Variants in SCNN1B observed in about 807,000 individuals in gnomAD.
SCNN1B encodes the protein epithelial sodium channel subunit beta.
SCNN1B carries 46 observed loss-of-function variants against 65.3 expected under a neutral mutation model. The ratio of observed to expected loss-of-function variants is 0.70; its 90% CI spans 0.56 to 0.90. SCNN1B has a LOEUF of 0.90. Ranked by LOEUF, SCNN1B falls within the 40% of genes least tolerant of loss-of-function variation. The pLI is 0.00. For synonymous variants in SCNN1B, 349 were observed against 330.6 expected (o/e 1.06, Z -0.60); for missense variants, 751 against 830.5 (o/e 0.90, Z 1.18).
intron 4 of SCNN1B, among the ~76,000 whole-genome samples, chr16:23,360,829 C>G (rs1198489182): frequency 2.0e-5 from 3 of 151,816 alleles, no homozygotes; most frequent in Non-Finnish European, 4.4e-5. Context: ...GAGTCTCACT[C>G]TGTCGCCCAG....
chr16:23,339,280 G>A (rs556018705), intron 1 of SCNN1B, among the ~76,000 whole-genome samples: 4 of 152,172 alleles, frequency 2.6e-5, no homozygotes, highest in South Asian at 2.1e-4. Flanking sequence ...GTTGGTGGAC[G>A]TGTGGATTGC....
intron 1 of SCNN1B, among the ~76,000 whole-genome samples, chr16:23,318,266 A>G (rs1253587031): frequency 6.6e-6 from 1 of 152,180 alleles, no homozygotes; most frequent in Non-Finnish European, 1.5e-5. Flanking sequence ...ATTTGGGCAA[A>G]TCACCTGACC....
At position 23,353,036 on chromosome 16, in the gene SCNN1B, A is replaced by T. The variant is rs759357676; in HGVS notation, c.547A>T (p.Ile183Phe). The part of the protein sequence containing the change: ...GLTSSSASEK[I>F]CNAHGCKMAM... Reference sequence around the variant, plus strand: ...AACAAGCAGCTCAGCATCAGAAAAGATCTGTAATGCCCACGGGTGCAAAAT... The same window carrying T: ...AACAAGCAGCTCAGCATCAGAAAAGTTCTGTAATGCCCACGGGTGCAAAAT... Residue 183 changes from isoleucine (I) to phenylalanine (F), a missense_variant, in exon 3 of 13, where the codon ATC becomes TTC. Physicochemically the swap from Ile to Phe is conservative, Grantham distance 21. Coordinates refer to ENST00000343070, the MANE Select transcript of SCNN1B (RefSeq NM_000336.3). 1.2e-6 allele frequency: 2 copies of T among 1,614,156 alleles called. No homozygotes were observed. The highest frequency in any genetic ancestry group is 2.7e-5 in the African/African-American group (2 of 75,028).
chr16:23,305,891 A>C (rs1961207273), intron 1 of SCNN1B, among the ~76,000 whole-genome samples: 1 of 151,936 alleles, frequency 6.6e-6, no homozygotes, highest in Non-Finnish European at 1.5e-5. Flanking sequence ...GCTAATATAA[A>C]AGGTAACACC....
chr16:23,357,388 G>C (rs1334178334), intron 4 of SCNN1B, among the ~76,000 whole-genome samples: 1 of 152,238 alleles, frequency 6.6e-6, no homozygotes, highest in Non-Finnish European at 1.5e-5. Flanking sequence ...TTCGAGACTA[G>C]CCTGGCCAAC....
rs776272830 is a variant in SCNN1B at position 23,352,775 on chromosome 16, C to T, written c.312-26C>T. ...TGCTTTACAGATATGCATTCCTTCC[C>T]CCTAACCAGCCCTCTCCCCATCCAG... is the stretch of plus-strand genomic sequence containing the variant. On this transcript the variant is annotated intron_variant, in intron 2 of 12. Coordinates refer to ENST00000343070, the MANE Select transcript of SCNN1B (RefSeq NM_000336.3). 3.7e-6 allele frequency: 6 copies of T among 1,613,758 alleles called. No homozygotes were observed. In the African/African-American group the frequency reaches 8.0e-5, roughly 22 times the overall value.
chr16:23,343,619 GAAA>G (rs1962118227), intron 1 of SCNN1B, among the ~76,000 whole-genome samples: 1 of 111,972 alleles, frequency 8.9e-6, no homozygotes, highest in Non-Finnish European at 1.8e-5. Context: ...AAGAAAGAAA[GAAA>G]GAAAGAAAGA....
intron 2 of SCNN1B, among the ~76,000 whole-genome samples, chr16:23,349,136 CCT>C: frequency 6.6e-6 from 1 of 151,454 alleles, no homozygotes; most frequent in Admixed American, 6.6e-5. Context: ...TCTTTCTCCT[CCT>C]CTCTGTCTTT....
At chr16:23,314,872 C>T (rs1961418827) in intron 1 of SCNN1B, among the ~76,000 whole-genome samples, 1 of 152,218 alleles carries the variant, frequency 6.6e-6, no homozygotes, top group African/African-American at 2.4e-5. Flanking sequence ...GGACCATGGA[C>T]CCTGGGCCTC....
At chr16:23,305,563 T>A (rs868214166) in intron 1 of SCNN1B, among the ~76,000 whole-genome samples, 5,917 of 53,122 alleles carry the variant, frequency 0.11, 613 homozygotes, top group East Asian at 0.18. Flanking sequence ...TATATATATA[T>A]ATATATATAT....
intron 2 of SCNN1B, among the ~76,000 whole-genome samples, chr16:23,285,918 G>A (rs1960844511): frequency 1.3e-5 from 2 of 152,168 alleles, no homozygotes; most frequent in Non-Finnish European, 2.9e-5. Context: ...AAGTTGCAGT[G>A]AGCCAAGATC....
chr16:23,366,451 C>T lies in SCNN1B; in HGVS notation c.777-1405C>T, dbSNP rs932501336. Among the ~76,000 whole-genome samples, 36 of 152,212 alleles carry T rather than the reference C, an allele frequency of 2.4e-4. No individual in the cohort carries two copies. In the East Asian group the frequency reaches 4.1e-3, roughly 17 times the overall value. On this transcript the variant is annotated intron_variant, in intron 4 of 12. Transcript: ENST00000343070. ...CAGGCTGATCTCAAACTCCTGGGCT[C>T]AGTTGGGTGCAGTGGCTCACGCCTG...
chr16:23,371,596 T>TC (rs961316005), intron 6 of SCNN1B, 134 bp downstream of exon 6: 5 of 1,106,772 alleles, frequency 4.5e-6, no homozygotes, highest in Non-Finnish European at 5.3e-6. Flanking sequence ...TTGGCTGGAA[T>TC]CCCCCCAGGG....
intron 1 of SCNN1B, among the ~76,000 whole-genome samples, chr16:23,322,819 C>T (rs887698668): frequency 1.3e-5 from 2 of 151,920 alleles, no homozygotes; most frequent in African/African-American, 2.4e-5. Context: ...GCAAAATTTA[C>T]ACTGTGATCA....
chr16:23,377,628 T>TC (rs1166625716), intron 10 of SCNN1B, among the ~76,000 whole-genome samples: 5 of 99,470 alleles, frequency 5.0e-5, no homozygotes, highest in African/African-American at 1.7e-4. Flanking sequence ...CTTCCTTCAT[T>TC]CCTTCTCCCT....
rs1962885255 is a variant in SCNN1B, at chr16:23,375,932, G to T, written c.1270+77G>T. 3.9e-6 allele frequency: 4 copies of T among 1,028,892 alleles called. No homozygotes were observed. The South Asian group carries it at 5.1e-5, about 13-fold the overall frequency. 63.7% of individuals were successfully genotyped at this position (1,028,892 alleles called of 1,614,324 possible). A position where few individuals can be genotyped will look rare whatever the true frequency, so the allele number is the denominator to read the frequency against. On this transcript the variant is annotated intron_variant, in intron 8 of 12. Transcript: ENST00000343070. ...CTCTGACCATAGAGGAGGAGGCAGA[G>T]CTCAGTGCCCTCAGCAGAGTCCAGA...
At chr16:23,293,997 A>T (rs1960962140) in intron 2 of SCNN1B, among the ~76,000 whole-genome samples, 2 of 152,146 alleles carry the variant, frequency 1.3e-5, no homozygotes, top group Non-Finnish European at 2.9e-5. Context: ...TAAAAAAAAT[A>T]TAAAAAATTT....
chr16:23,317,978 A>G (rs2141991642), intron 1 of SCNN1B, among the ~76,000 whole-genome samples: 1 of 152,312 alleles, frequency 6.6e-6, no homozygotes, highest in East Asian at 1.9e-4. Context: ...CAGAAGGTAC[A>G]GAACTGTTTT....
At position 23,348,592 on chromosome 16, in the gene SCNN1B, G is replaced by C. The variant is rs1962237441; in HGVS notation, c.-8G>C. 6.2e-6 allele frequency: 10 copies of C among 1,612,418 alleles called. No homozygotes were observed. The highest frequency in any genetic ancestry group is 8.5e-6 in the Non-Finnish European group (10 of 1,179,840). On this transcript the variant is annotated splice_region_variant and 5_prime_UTR_variant, in exon 2 of 13. Coordinates refer to ENST00000343070, the MANE Select transcript of SCNN1B (RefSeq NM_000336.3). The surrounding 1 kb of genome is among the most constrained non-coding windows in gnomAD (Gnocchi z 4.5). ...TGTGCGTCCCCATGCCTCTCTGCAG[G>C]TGCCACTATGCACGTGAAGAAGTAC... is the stretch of plus-strand genomic sequence containing the variant.
Sources: gnomAD v4.1 joint callset for allele counts (sites outside exome capture counted in the v4.1 genomes callset) on GRCh38, gnomAD v4.1.1 for gene constraint, Gnocchi (gnomAD v3.1) non-coding constraint, MANE v1.5 for transcripts, NCBI Gene and HGNC (gene_info 2026-07-23, HGNC 2026-07-21) for gene names.